Variants in CSMD1 observed in about 807,000 individuals in gnomAD.
CSMD1 encodes the protein CUB and sushi domain-containing protein 1.
A neutral mutation model predicts 417.5 loss-of-function variants in CSMD1; 213 were observed. The observed-to-expected ratio is 0.51, with a 90% confidence interval of 0.46 to 0.57. The LOEUF is 0.57. CSMD1 is among the 20% of genes least tolerant of loss of function. CSMD1 has a pLI of 0.00. For missense variants in CSMD1, 6,923 were observed against 4,529.7 expected, an observed-to-expected ratio of 1.53 and a Z score of -15.17; for synonymous variants, 2,862 against 1,736.8, an observed-to-expected ratio of 1.65 and a Z score of -16.11.
At chr8:3,050,500 C>A (rs1469346315) in intron 50 of CSMD1, among the ~76,000 whole-genome samples, 1 of 152,116 alleles carries the variant, frequency 6.6e-6, no homozygotes, top group African/African-American at 2.4e-5. Flanking sequence ...TAAAATCAAC[C>A]CCAAACATAT....
intron 1 of CSMD1, among the ~76,000 whole-genome samples, chr8:4,648,718 CTT>C (rs1803692489): frequency 6.6e-6 from 1 of 152,114 alleles, no homozygotes; most frequent in Non-Finnish European, 1.5e-5. Context: ...TCCTCAGTGT[CTT>C]TGTGAATTTA....
intron 37 of CSMD1, among the ~76,000 whole-genome samples, chr8:3,169,147 G>T (rs550568728): frequency 1.3e-5 from 2 of 152,150 alleles, no homozygotes; most frequent in East Asian, 3.9e-4. Flanking sequence ...GCCAGGAAAT[G>T]ACATAGCCTC....
At chr8:4,127,931 G>T (rs181425147) in intron 3 of CSMD1, among the ~76,000 whole-genome samples, 18 of 152,308 alleles carry the variant, frequency 1.2e-4, no homozygotes, top group African/African-American at 4.1e-4. Context: ...AGCATGCACA[G>T]TTAAACACTA....
intron 3 of CSMD1, among the ~76,000 whole-genome samples, chr8:4,298,201 G>A (rs979332749): frequency 6.6e-6 from 1 of 152,058 alleles, no homozygotes; most frequent in African/African-American, 2.4e-5. Flanking sequence ...GTTAAATGAA[G>A]TTTCCAAAAT....
chr8:4,306,480 C>G (rs1021298412), intron 3 of CSMD1, among the ~76,000 whole-genome samples: 1 of 152,194 alleles, frequency 6.6e-6, no homozygotes, highest in East Asian at 1.9e-4. Flanking sequence ...AATGCCTCAG[C>G]AGGGTGTAAG....
chr8:3,680,759 C>CT (rs1799612027), intron 7 of CSMD1, among the ~76,000 whole-genome samples: 2 of 152,156 alleles, frequency 1.3e-5, no homozygotes, highest in African/African-American at 4.8e-5. Flanking sequence ...AGACCAATAT[C>CT]CCTGATGAAC....
chr8:4,337,941 G>A lies in CSMD1; in HGVS notation c.415+82012C>T, dbSNP rs189452231. On this transcript the variant is annotated intron_variant, in intron 3 of 69. Transcript: ENST00000635120. Reference sequence around the variant, plus strand: ...AAATCGTTTATCATTTAATGATATCGCATTTCTCAACCTTTTTAAATATCA... The same window carrying A: ...AAATCGTTTATCATTTAATGATATCACATTTCTCAACCTTTTTAAATATCA... Among the ~76,000 whole-genome samples the A allele has an allele frequency of 1.2e-3, 187 of 152,156 alleles. 2 individuals are homozygous for A. The highest frequency in any genetic ancestry group is 5.2e-3 in the South Asian group (25 of 4,826).
At chr8:4,750,018 T>A (rs1276277612) in intron 1 of CSMD1, among the ~76,000 whole-genome samples, 1 of 151,958 alleles carries the variant, frequency 6.6e-6, no homozygotes, top group Non-Finnish European at 1.5e-5. Context: ...ATTATTATTA[T>A]TTTTTTGAGA....
intron 16 of CSMD1, among the ~76,000 whole-genome samples, chr8:3,397,400 A>T (rs562200482): frequency 7.7e-4 from 117 of 152,322 alleles, no homozygotes; most frequent in Non-Finnish European, 1.0e-3. Flanking sequence ...TGTGTCCTGT[A>T]TACATTAGAT....
chr8:3,935,223 A>C (rs1810403315), intron 5 of CSMD1, among the ~76,000 whole-genome samples: 1 of 152,230 alleles, frequency 6.6e-6, no homozygotes, highest in Non-Finnish European at 1.5e-5. Context: ...GAACAAATGG[A>C]AATCGTTCTT....
intron 1 of CSMD1, among the ~76,000 whole-genome samples, chr8:4,959,099 G>T (rs1224268496): frequency 6.6e-6 from 1 of 152,276 alleles, no homozygotes; most frequent in South Asian, 2.1e-4. Flanking sequence ...TTTAGTCTAT[G>T]CTTAGTTTTA....
chr8:4,761,767 T>C (rs1812084876), intron 1 of CSMD1, among the ~76,000 whole-genome samples: 1 of 152,156 alleles, frequency 6.6e-6, no homozygotes, highest in Non-Finnish European at 1.5e-5. Context: ...GCATGTAACT[T>C]GTTTTATCTT....
At chr8:3,070,713 C>T (rs894799400) in intron 49 of CSMD1, among the ~76,000 whole-genome samples, 11 of 152,230 alleles carry the variant, frequency 7.2e-5, no homozygotes, top group Non-Finnish European at 1.5e-4. Context: ...AATTTACAAA[C>T]TTTCCTTTAT....
intron 21 of CSMD1, among the ~76,000 whole-genome samples, chr8:3,348,827 A>C (rs1396572072): frequency 6.6e-6 from 1 of 152,230 alleles, no homozygotes; most frequent in African/African-American, 2.4e-5. Flanking sequence ...TAAAAGTGAA[A>C]ATACATACAA....
At chr8:4,059,156 C>G (rs1388583747) in intron 3 of CSMD1, among the ~76,000 whole-genome samples, 1 of 152,188 alleles carries the variant, frequency 6.6e-6, no homozygotes, top group African/African-American at 2.4e-5. Flanking sequence ...AACCGCTTAA[C>G]TACACAGAAA....
Position 4,567,942 on chromosome 8 carries a change from G to A in CSMD1, c.302+69400C>T, listed in dbSNP as rs79072951. 3.6e-3 allele frequency among the ~76,000 whole-genome samples: 545 copies of A among 152,174 alleles called. 2 individuals are homozygous for A. The highest frequency in any genetic ancestry group is 0.013 in the African/African-American group (526 of 41,532). ...ACCTGAAATTGCACTTTCTGTCCAC[G>A]TAACAGAGATTCTTACAGCACAAGG... On this transcript the variant is annotated intron_variant, in intron 2 of 69. Transcript: ENST00000635120.
chr8:3,763,457 C>G lies in CSMD1; in HGVS notation c.819-9415G>C, dbSNP rs181915290. On this transcript the variant is annotated intron_variant, in intron 5 of 69. Coordinates refer to ENST00000635120, the MANE Select transcript of CSMD1 (RefSeq NM_033225.6). ...GTTTAAAAGAGCCTAGCACTCCCCC[C>G]TCTCCTCTCCTTTGCTCCCCTTCTC... Among the ~76,000 whole-genome samples, 34 of 152,204 alleles carry G rather than the reference C, an allele frequency of 2.2e-4. No individual in the cohort carries two copies. The East Asian group carries it at 5.8e-3, about 26-fold the overall frequency.
intron 1 of CSMD1, among the ~76,000 whole-genome samples, chr8:4,918,661 TCTCA>T (rs1228182277): frequency 2.0e-5 from 3 of 152,202 alleles, no homozygotes; most frequent in African/African-American, 4.8e-5. Context: ...CTTGACCCAA[TCTCA>T]CTATTTCAGT....
intron 1 of CSMD1, among the ~76,000 whole-genome samples, chr8:4,705,245 G>T (rs867115460): frequency 1.3e-5 from 2 of 152,016 alleles, no homozygotes; most frequent in African/African-American, 4.8e-5. Flanking sequence ...AAATTTCCCA[G>T]TCTCTGGTAT....
Sources: gnomAD v4.1 joint callset for allele counts (sites outside exome capture counted in the v4.1 genomes callset) on GRCh38, gnomAD v4.1.1 for gene constraint, MANE v1.5 for transcripts, NCBI Gene and HGNC (gene_info 2026-07-23, HGNC 2026-07-21) for gene names.